ERG: variants seen among roughly 807,000 people sequenced by gnomAD.
ERG encodes the protein ETS transcription factor ERG.
ERG carries 9 observed loss-of-function variants against 55.3 expected under a neutral mutation model. The ratio of observed to expected loss-of-function variants is 0.16; its 90% CI spans 0.10 to 0.28. The LOEUF (loss-of-function observed/expected upper bound fraction) is 0.28, where lower values mean the gene tolerates loss of function less well. ERG is among the 10% of genes least tolerant of loss of function. The pLI, the probability that ERG is intolerant of heterozygous loss-of-function variation, is 1.00. For synonymous variants in ERG, 223 were observed against 237.3 expected, an observed-to-expected ratio of 0.94 and a Z score of 0.55; for missense variants, 434 against 631.6, an observed-to-expected ratio of 0.69 and a Z score of 3.35.
chr21:38,417,238 A>G (rs8126977), intron 3 of ERG, among the ~76,000 whole-genome samples: 135,429 of 152,278 alleles, frequency 0.89, 60,731 homozygotes, highest in East Asian at 0.99. Flanking sequence ...TCAGCCACAC[A>G]TGTTTGGTGG....
At position 38,381,790 on chromosome 21, in the gene ERG, T is replaced by TAACA; in HGVS notation, c.*1612_*1613insTGTT. On this transcript the variant is annotated 3_prime_UTR_variant, in exon 10 of 10. Transcript: ENST00000288319. ...AGGCATAAATATGGAGGCTCCAATG[T>TAACA]GAAACCCGGGGTCCTTCTGTTCCAA... 9.4e-7 allele frequency: 1 copy of TAACA among 1,063,514 alleles called. No individual in the cohort carries two copies. Among genetic ancestry groups the TAACA allele is most frequent in the Non-Finnish European group, 1.1e-6 (1 of 878,240 alleles). 65.9% of individuals were successfully genotyped at this position (1,063,514 alleles called of 1,614,324 possible).
At chr21:38,634,646 T>C (rs568916709) in intron 1 of ERG, among the ~76,000 whole-genome samples, 1 of 152,344 alleles carries the variant, frequency 6.6e-6, no homozygotes, top group East Asian at 1.9e-4. Context: ...CTGACTTCCA[T>C]GTTGCCTGCA....
At chr21:38,559,811 G>A (rs2059881898) in intron 2 of ERG, among the ~76,000 whole-genome samples, 1 of 152,132 alleles carries the variant, frequency 6.6e-6, no homozygotes, top group South Asian at 2.1e-4. Context: ...CTCCCAAGTA[G>A]CTGGGATTAC....
chr21:38,612,694 C>T (rs150636881), intron 1 of ERG, among the ~76,000 whole-genome samples: 224 of 145,764 alleles, frequency 1.5e-3, no homozygotes, highest in African/African-American at 5.1e-3. Context: ...GACAGAGTCT[C>T]GCTCTGTCAC....
chr21:38,476,217 G>A (rs1164661044), intron 1 of ERG, among the ~76,000 whole-genome samples: 2 of 151,802 alleles, frequency 1.3e-5, no homozygotes, highest in African/African-American at 2.4e-5. Context: ...AACGTAGTAC[G>A]TTAAAAAAAA....
At chr21:38,563,512 G>C (rs1431899967) in intron 2 of ERG, among the ~76,000 whole-genome samples, 1 of 152,218 alleles carries the variant, frequency 6.6e-6, no homozygotes, top group Non-Finnish European at 1.5e-5. Flanking sequence ...TGGTCCGTGA[G>C]AGCACGTCCT....
intron 1 of ERG, among the ~76,000 whole-genome samples, chr21:38,600,165 T>C (rs78478544): frequency 6.6e-6 from 1 of 152,126 alleles, no homozygotes; most frequent in African/African-American, 2.4e-5. Flanking sequence ...GATCCAAACC[T>C]ACCCGCAATC....
chr21:38,511,285 T>C (rs2059509666), intron 2 of ERG, among the ~76,000 whole-genome samples: 1 of 152,220 alleles, frequency 6.6e-6, no homozygotes, highest in Non-Finnish European at 1.5e-5. Context: ...GGAACTACTT[T>C]AACATAAAAC....
At chr21:38,377,829 G>A (rs1254219045), downstream of ERG, among the ~76,000 whole-genome samples, 3 of 152,182 alleles carry the variant, frequency 2.0e-5, no homozygotes, top group Admixed American at 1.3e-4. Flanking sequence ...TTCAGCTGAT[G>A]CATGTCTAAT....
chr21:38,446,034 C>G (rs1047910272), intron 1 of ERG, among the ~76,000 whole-genome samples: 4 of 151,880 alleles, frequency 2.6e-5, no homozygotes, highest in Non-Finnish European at 5.9e-5. Context: ...AAGGCCAACA[C>G]CTAAGCATCT....
chr21:38,618,243 A>G (rs2060270215), intron 1 of ERG, among the ~76,000 whole-genome samples: 1 of 152,220 alleles, frequency 6.6e-6, no homozygotes, highest in Non-Finnish European at 1.5e-5. Flanking sequence ...CTGAGTGGTG[A>G]AAACAGCCTT....
At chr21:38,429,856 C>T (rs965533330) in intron 2 of ERG, among the ~76,000 whole-genome samples, 11 of 152,044 alleles carry the variant, frequency 7.2e-5, no homozygotes, top group Non-Finnish European at 1.2e-4. Flanking sequence ...AACATGCATG[C>T]GCAAGTGTCT....
intron 2 of ERG, among the ~76,000 whole-genome samples, chr21:38,557,542 A>C (rs1027815914): frequency 6.6e-6 from 1 of 152,090 alleles, no homozygotes; most frequent in Admixed American, 6.6e-5. Context: ...TCAATGATCA[A>C]ACATATATTA....
chr21:38,564,009 G>T, intron 2 of ERG, among the ~76,000 whole-genome samples: 1 of 152,000 alleles, frequency 6.6e-6, no homozygotes, highest in East Asian at 1.9e-4. Flanking sequence ...ATTGGTTTAT[G>T]CCCCTTTCCA....
At chr21:38,403,406 G>T in intron 4 of ERG, 100 bp downstream of exon 4, 1 of 1,161,800 alleles carries the variant, frequency 8.6e-7, no homozygotes, top group Non-Finnish European at 1.3e-6. Flanking sequence ...CTGGGCGAGG[G>T]CAGGAGGATG....
intron 1 of ERG, among the ~76,000 whole-genome samples, chr21:38,597,291 T>C (rs1370974080): frequency 6.6e-6 from 1 of 152,302 alleles, no homozygotes; most frequent in South Asian, 2.1e-4. Context: ...TTTTAAGAAA[T>C]TGGTTTATCT....
At chr21:38,428,253 T>G (rs1366555949) in intron 2 of ERG, among the ~76,000 whole-genome samples, 1 of 152,064 alleles carries the variant, frequency 6.6e-6, no homozygotes, top group East Asian at 1.9e-4. Flanking sequence ...AAGTGTTCAT[T>G]TGAAAGTCTC....
intron 2 of ERG, among the ~76,000 whole-genome samples, chr21:38,441,341 T>C (rs1158565957): frequency 6.6e-6 from 1 of 151,760 alleles, no homozygotes; most frequent in African/African-American, 2.4e-5. Context: ...AAGGAGATGA[T>C]GTCAGATAAT....
chr21:38,493,611 G>A (rs1399913291), intron 1 of ERG, among the ~76,000 whole-genome samples: 2 of 152,206 alleles, frequency 1.3e-5, no homozygotes, highest in African/African-American at 4.8e-5. Flanking sequence ...CCAGGGTGCT[G>A]TTCCTGCCCT....
Sources: allele counts gnomAD v4.1 joint callset (sites outside exome capture counted in the v4.1 genomes callset), GRCh38; gene constraint gnomAD v4.1.1; transcripts MANE v1.5; gene names NCBI Gene and HGNC (gene_info 2026-07-23, HGNC 2026-07-21).